The following OSBPL3 variants were observed in gnomAD, a reference collection of about 807,000 sequenced individuals.
The protein encoded by OSBPL3 is oxysterol binding protein like 3, also known as oxysterol-binding protein-related protein 3.
A neutral mutation model predicts 120.1 loss-of-function variants in OSBPL3; 65 were observed. The ratio of observed to expected loss-of-function variants is 0.54; its 90% CI spans 0.44 to 0.67. The LOEUF (loss-of-function observed/expected upper bound fraction) is 0.67. Ranked by LOEUF, OSBPL3 falls within the 30% of genes least tolerant of loss-of-function variation. OSBPL3 has a pLI of 0.00. For missense variants in OSBPL3, 1,004 were observed against 1,082.1 expected, an observed-to-expected ratio of 0.93 and a Z score of 1.01; for synonymous variants, 416 against 402.6, an observed-to-expected ratio of 1.03 and a Z score of -0.40.
chr7:24,864,300 G>C (rs1584425140), intron 7 of OSBPL3, among the ~76,000 whole-genome samples: 1 of 152,164 alleles, frequency 6.6e-6, no homozygotes, highest in South Asian at 2.1e-4. Context: ...TTAGGCTAGA[G>C]GCTCTCACAC....
intron 1 of OSBPL3, 88 bp downstream of exon 1, chr7:24,979,797 GC>G: frequency 1.5e-6 from 1 of 678,470 alleles, no homozygotes; most frequent in African/African-American, 2.0e-5. Context: ...GAACCGCGGC[GC>G]CCCGCAAACA....
chr7:24,914,902 G>A (rs758868016), intron 1 of OSBPL3, among the ~76,000 whole-genome samples: 2 of 152,142 alleles, frequency 1.3e-5, no homozygotes, highest in African/African-American at 2.4e-5. Flanking sequence ...ACTGGAAATC[G>A]TTTAGGAATG....
rs569539832 is a variant in OSBPL3, at chr7:24,821,883, T to C, written c.1885-1645A>G. 4.6e-5 allele frequency among the ~76,000 whole-genome samples: 7 copies of C among 152,338 alleles called. No individual in the cohort carries two copies. The highest frequency in any genetic ancestry group is 2.6e-4 in the Admixed American group (4 of 15,300). ...TGATTTCCTTTGATGTTGTCTTTTT[T>C]CTTTTTTTGAGACAGGGTCTCCCTC... On this transcript the variant is annotated intron_variant, in intron 16 of 22. Transcript: ENST00000313367. This position sits in a 1 kb window ranked among gnomAD's most constrained non-coding sequence, Gnocchi z 5.5.
At chr7:24,853,478 C>G (rs1422554356) in intron 10 of OSBPL3, among the ~76,000 whole-genome samples, 3 of 152,142 alleles carry the variant, frequency 2.0e-5, no homozygotes, top group Non-Finnish European at 2.9e-5. Context: ...GAAAGAAAGG[C>G]TGAGGAACTG....
At position 24,938,670 on chromosome 7, in the gene OSBPL3, G is replaced by C. The variant is rs1812700897; in HGVS notation, c.-150+41216C>G. ...TGTTTGTTTGTTTGTTTGTTTTTAG[G>C]CTTCCTGGAAGTCCCATACAATACT... On this transcript the variant is annotated intron_variant, in intron 1 of 22. Transcript: ENST00000313367. The surrounding 1 kb of genome is among the most constrained non-coding windows in gnomAD (Gnocchi z 5.8). Among the ~76,000 whole-genome samples the C allele has an allele frequency of 6.6e-6, 1 of 151,938 alleles. No homozygotes were observed. Among genetic ancestry groups the C allele is most frequent in the South Asian group, 2.1e-4 (1 of 4,822 alleles).
In OSBPL3 at chr7:24,820,254, GA is replaced by G. The variant is rs1292160128; in HGVS notation, c.1885-17del. 1.2e-6 allele frequency: 2 copies of G among 1,600,228 alleles called. No individual in the cohort carries two copies. Among genetic ancestry groups the G allele is most frequent in the African/African-American group, 2.7e-5 (2 of 74,308 alleles). On this transcript the variant is annotated splice_polypyrimidine_tract_variant and intron_variant, in intron 16 of 22. Transcript: ENST00000313367. This position sits in a 1 kb window ranked among gnomAD's most constrained non-coding sequence, Gnocchi z 4.6. ...GGTGGCTGACCTGATGGAAACAAAG[GA>G]CAGAAAAACAAAAAATGAATGAACT...
At position 24,832,234 on chromosome 7, in the gene OSBPL3, A is replaced by T. The variant is rs1001943589; in HGVS notation, c.1747-1329T>A. ...AAAAAAAAAAAAAAAAAGAAGGGCC[A>T]GGCACGGTAGCTCACACCTGTAATC... On this transcript the variant is annotated intron_variant, in intron 15 of 22. Coordinates refer to ENST00000313367, the MANE Select transcript of OSBPL3 (RefSeq NM_015550.4). Among the ~76,000 whole-genome samples, 10 of 147,026 alleles carry T rather than the reference A, an allele frequency of 6.8e-5. No individual in the cohort carries two copies. In the Middle Eastern group the frequency reaches 0.011, roughly 156 times the overall value.
At chr7:24,915,797 G>A (rs1047113730) in intron 1 of OSBPL3, among the ~76,000 whole-genome samples, 3 of 152,056 alleles carry the variant, frequency 2.0e-5, no homozygotes, top group Non-Finnish European at 4.4e-5. Flanking sequence ...GACTGGTCTC[G>A]AACTTCTGAC....
chr7:24,973,897 T>C (rs566483012), intron 1 of OSBPL3, among the ~76,000 whole-genome samples: 1 of 152,350 alleles, frequency 6.6e-6, no homozygotes, highest in African/African-American at 2.4e-5. Context: ...AGTATAGCAC[T>C]GCACTGCCCA....
At chr7:24,934,220 G>A (rs1225484447) in intron 1 of OSBPL3, among the ~76,000 whole-genome samples, 1 of 152,128 alleles carries the variant, frequency 6.6e-6, no homozygotes, top group African/African-American at 2.4e-5. Context: ...GTTCAACACT[G>A]ATCTTATTGA....
chr7:24,949,166 C>T (rs997842400), intron 1 of OSBPL3, among the ~76,000 whole-genome samples: 1 of 152,164 alleles, frequency 6.6e-6, no homozygotes, highest in Non-Finnish European at 1.5e-5. Context: ...GTTAACAGAA[C>T]CACATTTTAC....
chr7:24,852,627 G>C lies in OSBPL3; in HGVS notation c.1035C>G (p.Phe345Leu). The change falls in exon 11 of 23, where the codon TTC becomes TTG. Residue 345 changes from phenylalanine (F) to leucine (L), a missense_variant. By Grantham distance (22) the Phe-to-Leu change is conservative (BLOSUM62 0). This residue lies in a region of OSBPL3 where 272 missense variants were observed against 248.8 expected (regional missense o/e 1.09). Coordinates refer to ENST00000313367, the MANE Select transcript of OSBPL3 (RefSeq NM_015550.4). The surrounding 1 kb of genome is among the most constrained non-coding windows in gnomAD (Gnocchi z 4.1). ...DLCHIAHKVY[F>L]TLRSAFNIMS... ...TGATATTAAAAGCTGACCTTAAAGT[G>C]AAGTAAACTATAGAGATAGAATCAT... 3.2e-6 allele frequency: 5 copies of C among 1,585,856 alleles called. No homozygotes were observed. The highest frequency in any genetic ancestry group is 3.4e-6 in the Non-Finnish European group (4 of 1,168,452).
At chr7:24,811,082 T>C (rs1422385562) in intron 19 of OSBPL3, among the ~76,000 whole-genome samples, 2 of 152,246 alleles carry the variant, frequency 1.3e-5, no homozygotes, top group African/African-American at 4.8e-5. Flanking sequence ...ATTCCATTTC[T>C]AATTGTTTTT....
At chr7:24,812,042 G>C (rs530377777) in intron 19 of OSBPL3, among the ~76,000 whole-genome samples, 8 of 152,232 alleles carry the variant, frequency 5.3e-5, no homozygotes, top group African/African-American at 1.7e-4. Context: ...TGCAGTGCCT[G>C]ATGCCTGTAA....
Position 24,796,882 on chromosome 7 carries a change from C to T in OSBPL3, c.*3301G>A, listed in dbSNP as rs1791776355. The T allele has an allele frequency of 6.6e-6, 1 of 152,136 alleles. No individual in the cohort carries two copies. Among genetic ancestry groups the T allele is most frequent in the African/African-American group, 2.4e-5 (1 of 41,416 alleles). The allele number at this position is 152,136 out of a possible 1,614,324, so 9.4% of individuals were successfully genotyped here. On this transcript the variant is annotated 3_prime_UTR_variant, in exon 23 of 23. Transcript: ENST00000313367. The surrounding 1 kb of genome is among the most constrained non-coding windows in gnomAD (Gnocchi z 5.2). ...CACTGAGTAACAGATTAGTACAATG[C>T]AGAGGAAAATAGAGCAAATGAAAAT...
At chr7:24,848,983 A>C in intron 12 of OSBPL3, 86 bp downstream of exon 12, 2 of 887,612 alleles carry the variant, frequency 2.3e-6, no homozygotes, top group Non-Finnish European at 3.7e-6. Context: ...CATGAGGGGA[A>C]GCAGGGAGGT....
At chr7:24,949,921 T>C (rs1469681781) in intron 1 of OSBPL3, among the ~76,000 whole-genome samples, 2 of 152,224 alleles carry the variant, frequency 1.3e-5, no homozygotes, top group African/African-American at 4.8e-5. Context: ...TCTGCTTTCA[T>C]GGGCCCCAAA....
At position 24,804,228 on chromosome 7, in the gene OSBPL3, G is replaced by T. The variant is rs951855428; in HGVS notation, c.2567+87C>A. On this transcript the variant is annotated intron_variant, in intron 22 of 22. Coordinates refer to ENST00000313367, the MANE Select transcript of OSBPL3 (RefSeq NM_015550.4). The surrounding 1 kb of genome is among the most constrained non-coding windows in gnomAD (Gnocchi z 5.4). ...AGCCTGGAGAATGCTCTTATCTGGG[G>T]ACAGTACTGTTCACTTTCTGCAAAC... 6 of 1,483,386 alleles carry T rather than the reference G, an allele frequency of 4.0e-6. No homozygotes were observed. Among genetic ancestry groups the T allele is most frequent in the Non-Finnish European group, 4.7e-6 (5 of 1,065,302 alleles). 91.9% of individuals were successfully genotyped at this position (1,483,386 alleles called of 1,614,324 possible).
rs547487734 is a variant in OSBPL3 at position 24,918,116 on chromosome 7, G to A, written c.-149-25495C>T. On this transcript the variant is annotated intron_variant, in intron 1 of 22. Transcript: ENST00000313367. The surrounding 1 kb of genome is among the most constrained non-coding windows in gnomAD (Gnocchi z 4.3). ...GGTGCTGTTTCTCAGTGTGTATCAG[G>A]CTCACAGCAGCCAGTAATGACACCT... The A allele has an allele frequency of 4.2e-5, 41 of 978,588 alleles. No homozygotes were observed. In the South Asian group the frequency reaches 1.4e-3, roughly 34 times the overall value. The allele number at this position is 978,588 out of a possible 1,614,324, so 60.6% of individuals were successfully genotyped here.
Sources: gnomAD v4.1 joint callset for allele counts (sites outside exome capture counted in the v4.1 genomes callset) on GRCh38, gnomAD v4.1.1 for gene constraint, gnomAD v4.1.1 regional missense constraint, Gnocchi (gnomAD v3.1) non-coding constraint, MANE v1.5 for transcripts, NCBI Gene and HGNC (gene_info 2026-07-23, HGNC 2026-07-21) for gene names.